The following HOOK3 variants were observed in gnomAD, a reference collection of about 807,000 sequenced individuals.
HOOK3 encodes the protein protein Hook homolog 3.
A neutral mutation model predicts 116.3 loss-of-function variants in HOOK3; 24 were observed. That is an observed-to-expected ratio of 0.21 (90% CI 0.15 to 0.29). The LOEUF is 0.29. Among genes scored for constraint, HOOK3 ranks in the 10% least tolerant of loss-of-function variants. HOOK3 has a pLI of 1.00. For missense variants in HOOK3, 632 were observed against 830.2 expected, an observed-to-expected ratio of 0.76 and a Z score of 2.93; for synonymous variants, 275 against 283.0, an observed-to-expected ratio of 0.97 and a Z score of 0.28.
intron 5 of HOOK3, among the ~76,000 whole-genome samples, chr8:42,949,952 G>A (rs1346909824): frequency 6.6e-6 from 1 of 151,446 alleles, no homozygotes; most frequent in Non-Finnish European, 1.5e-5. Context: ...GCAGAATAAT[G>A]CAGCACGTTG....
chr8:42,985,012 A>G (rs903739659), intron 14 of HOOK3, among the ~76,000 whole-genome samples: 2 of 152,230 alleles, frequency 1.3e-5, no homozygotes, highest in African/African-American at 4.8e-5. Flanking sequence ...AGGAAAAATG[A>G]TAAACTGGGA....
chr8:42,982,411 A>T (rs1808969975), intron 13 of HOOK3, among the ~76,000 whole-genome samples: 1 of 152,192 alleles, frequency 6.6e-6, no homozygotes. Context: ...GTTACACAAC[A>T]TTGTGAATAT....
At position 43,007,912 on chromosome 8, in the gene HOOK3, C is replaced by G; in HGVS notation, c.1721C>G (p.Pro574Arg). 1 of 1,592,232 alleles carries G rather than the reference C, an allele frequency of 6.3e-7. No individual in the cohort carries two copies. Residue 574 changes from proline to arginine, a missense_variant, in exon 18 of 22, where the codon CCA (proline) becomes CGA (arginine). By Grantham distance (103) the Pro-to-Arg change is moderately radical. Transcript: ENST00000307602. The part of the protein sequence containing the change: ...KKRAIIEDLE[P>R]RFNNSSLKIE... ...AGAGCCATTATTGAAGATCTCGAGC[C>G]AAGATTTAACAACAGCTGTGAGTTT...
chr8:42,976,497 GGAAAA>G (rs1347154887), intron 13 of HOOK3, among the ~76,000 whole-genome samples: 1 of 151,772 alleles, frequency 6.6e-6, no homozygotes, highest in Non-Finnish European at 1.5e-5. Context: ...ACAACAAAAA[GGAAAA>G]GAAAAGGGCC....
At chr8:42,943,199 T>C in intron 4 of HOOK3, 114 bp from the exon 5 acceptor site, 1 of 544,272 alleles carries the variant, frequency 1.8e-6, no homozygotes, top group Non-Finnish European at 2.9e-6. Flanking sequence ...AAATGGAACA[T>C]AATCACTCTG....
At chr8:42,960,109 A>G (rs555441086) in intron 8 of HOOK3, among the ~76,000 whole-genome samples, 24 of 152,350 alleles carry the variant, frequency 1.6e-4, no homozygotes, top group Admixed American at 1.1e-3. Context: ...TAAGAGTTAT[A>G]CTAATAAGAT....
At chr8:42,929,153 A>C (rs530793930) in intron 3 of HOOK3, among the ~76,000 whole-genome samples, 1 of 152,218 alleles carries the variant, frequency 6.6e-6, no homozygotes, top group South Asian at 2.1e-4. Context: ...TCTAATTTCA[A>C]ATATTAAAAA....
rs1809995954 is a variant in HOOK3 at position 43,029,637 on chromosome 8, C to G, written c.*11139C>G. ...ACAATTGCCCACCATTTACAATACT[C>G]AATTTTTGATTATGAAATGAATAGT... On this transcript the variant is annotated 3_prime_UTR_variant, in exon 22 of 22. Coordinates refer to ENST00000307602, the MANE Select transcript of HOOK3 (RefSeq NM_032410.4). The G allele has an allele frequency of 5.2e-6, 1 of 191,208 alleles. No homozygotes were observed. Among genetic ancestry groups the G allele is most frequent in the South Asian group, 1.9e-4 (1 of 5,178 alleles). 11.8% of individuals were successfully genotyped at this position (191,208 alleles called of 1,614,324 possible).
intron 21 of HOOK3, among the ~76,000 whole-genome samples, chr8:43,015,464 A>G (rs1809694860): frequency 6.6e-6 from 1 of 151,842 alleles, no homozygotes; most frequent in African/African-American, 2.4e-5. Flanking sequence ...TGGAGGTTGC[A>G]GTGAGCCGAG....
intron 14 of HOOK3, among the ~76,000 whole-genome samples, chr8:42,985,522 A>C (rs1252875831): frequency 1.3e-5 from 2 of 152,218 alleles, no homozygotes; most frequent in African/African-American, 4.8e-5. Flanking sequence ...GCTATATTTC[A>C]GCAGTAGTCA....
intron 21 of HOOK3, among the ~76,000 whole-genome samples, chr8:43,015,297 C>T (rs779682487): frequency 2.0e-5 from 3 of 151,894 alleles, no homozygotes; most frequent in Non-Finnish European, 2.9e-5. Context: ...CCAAGGTGGG[C>T]GGGTCACCTG....
intron 2 of HOOK3, among the ~76,000 whole-genome samples, chr8:42,915,355 A>G (rs759220347): frequency 2.0e-5 from 3 of 151,752 alleles, no homozygotes; most frequent in Non-Finnish European, 4.4e-5. Context: ...ACAGAGCTGG[A>G]CTCTGTCTCA....
intron 2 of HOOK3, among the ~76,000 whole-genome samples, chr8:42,908,470 C>A (rs957608592): frequency 1.3e-5 from 2 of 152,166 alleles, no homozygotes; most frequent in Non-Finnish European, 2.9e-5. Flanking sequence ...ACACAATGAC[C>A]AGTGGAACAG....
chr8:42,941,594 T>C (rs900501053), intron 4 of HOOK3, among the ~76,000 whole-genome samples: 1 of 151,820 alleles, frequency 6.6e-6, no homozygotes, highest in Non-Finnish European at 1.5e-5. Flanking sequence ...CTTCTAGGAA[T>C]TGATTTTCCT....
chr8:42,971,591 A>G (rs1014960302), intron 11 of HOOK3, among the ~76,000 whole-genome samples: 1 of 151,804 alleles, frequency 6.6e-6, no homozygotes. Flanking sequence ...AAATGATAAT[A>G]TTTCATCTAC....
chr8:42,952,191 C>A (rs1808357088), intron 6 of HOOK3, among the ~76,000 whole-genome samples: 1 of 152,176 alleles, frequency 6.6e-6, no homozygotes, highest in South Asian at 2.1e-4. Context: ...TTCCCACTAT[C>A]CTTGTACATT....
chr8:43,018,593 G>T lies in HOOK3; in HGVS notation c.*95G>T. On this transcript the variant is annotated 3_prime_UTR_variant, in exon 22 of 22. Coordinates refer to ENST00000307602, the MANE Select transcript of HOOK3 (RefSeq NM_032410.4). ...AGGAAACTCAGCCAGCTTATTTTTT[G>T]TTTCTCTTCTATGTCAATACTTAGT... 1 of 1,285,658 alleles carries T rather than the reference G, an allele frequency of 7.8e-7. No homozygotes were observed. The highest frequency in any genetic ancestry group is 1.0e-6 in the Non-Finnish European group (1 of 966,580). 79.6% of individuals were successfully genotyped at this position (1,285,658 alleles called of 1,614,324 possible). A position where few individuals can be genotyped will look rare whatever the true frequency, so the allele number is the denominator to read the frequency against.
At chr8:42,918,913 G>A (rs944168706) in intron 2 of HOOK3, among the ~76,000 whole-genome samples, 15 of 152,198 alleles carry the variant, frequency 9.9e-5, no homozygotes, top group Non-Finnish European at 1.8e-4. Flanking sequence ...ATCATGGCCC[G>A]TTCTCAATGA....
At chr8:43,010,928 G>A (rs1351241622) in intron 19 of HOOK3, among the ~76,000 whole-genome samples, 1 of 152,064 alleles carries the variant, frequency 6.6e-6, no homozygotes, top group Non-Finnish European at 1.5e-5. Flanking sequence ...ATTGAAAAGA[G>A]CCCCCTGCTA....
Sources: allele counts gnomAD v4.1 joint callset (sites outside exome capture counted in the v4.1 genomes callset), GRCh38; gene constraint gnomAD v4.1.1; transcripts MANE v1.5; gene names NCBI Gene and HGNC (gene_info 2026-07-23, HGNC 2026-07-21).